DCC: variants seen among roughly 807,000 people sequenced by gnomAD.
The protein encoded by DCC is netrin receptor DCC.
In DCC, 58 loss-of-function variants were observed where a neutral mutation model predicts 172.5. The ratio of observed to expected loss-of-function variants is 0.34; its 90% CI spans 0.27 to 0.42. The LOEUF (loss-of-function observed/expected upper bound fraction) is 0.42. Ranked by LOEUF, DCC falls within the 10% of genes least tolerant of loss-of-function variation. DCC has a pLI of 1.00. For synonymous variants in DCC, 709 were observed against 644.5 expected (o/e 1.10, Z -1.52); for missense variants, 1,740 against 1,791.0 (o/e 0.97, Z 0.51).
At chr18:52,385,457 A>C in intron 1 of DCC, among the ~76,000 whole-genome samples, 1 of 151,988 alleles carries the variant, frequency 6.6e-6, no homozygotes, top group African/African-American at 2.4e-5. Flanking sequence ...TGTATGCCTC[A>C]GCCTCCCAAA....
At chr18:53,253,034 C>G (rs1276379714) in intron 12 of DCC, among the ~76,000 whole-genome samples, 1 of 151,704 alleles carries the variant, frequency 6.6e-6, no homozygotes, top group African/African-American at 2.4e-5. Flanking sequence ...TATTCATGTA[C>G]CATTTTCGTA....
chr18:52,460,044 A>G (rs1415481549), intron 1 of DCC, among the ~76,000 whole-genome samples: 1 of 152,110 alleles, frequency 6.6e-6, no homozygotes, highest in Non-Finnish European at 1.5e-5. Context: ...TCTTTATGGT[A>G]GAGCATAGAT....
chr18:53,393,816 G>T (rs1445195288), intron 17 of DCC, among the ~76,000 whole-genome samples: 6 of 151,988 alleles, frequency 3.9e-5, no homozygotes, highest in African/African-American at 1.5e-4. Flanking sequence ...CCTGTGAGGT[G>T]AGACTCAGCC....
intron 5 of DCC, among the ~76,000 whole-genome samples, chr18:53,001,683 T>C (rs969306962): frequency 4.6e-5 from 7 of 152,162 alleles, no homozygotes; most frequent in African/African-American, 1.7e-4. Flanking sequence ...TTGTTTTCTT[T>C]ATTGCCTTTC....
chr18:53,521,792 TTAAAA>T (rs979671854), intron 27 of DCC, among the ~76,000 whole-genome samples: 2 of 152,054 alleles, frequency 1.3e-5, no homozygotes, highest in African/African-American at 2.4e-5. Context: ...AATGAAAAAT[TTAAAA>T]TAAAATAAAT....
intron 1 of DCC, among the ~76,000 whole-genome samples, chr18:52,366,640 C>CT (rs1417404701): frequency 6.6e-6 from 1 of 151,570 alleles, no homozygotes; most frequent in Non-Finnish European, 1.5e-5. Flanking sequence ...ACACAGGGTG[C>CT]TGATTGGTGT....
At chr18:52,648,435 A>G (rs1397872101) in intron 1 of DCC, among the ~76,000 whole-genome samples, 1 of 152,220 alleles carries the variant, frequency 6.6e-6, no homozygotes, top group African/African-American at 2.4e-5. Flanking sequence ...TTTGGTTAGT[A>G]TAGATGATTT....
chr18:53,098,407 C>A (rs899373591), intron 7 of DCC, among the ~76,000 whole-genome samples: 4 of 152,120 alleles, frequency 2.6e-5, no homozygotes, highest in Non-Finnish European at 4.4e-5. Context: ...TTTCTAGTTT[C>A]TTTCAATCTG....
chr18:52,838,244 T>C (rs1171286382), intron 2 of DCC, among the ~76,000 whole-genome samples: 2 of 152,202 alleles, frequency 1.3e-5, no homozygotes, highest in Non-Finnish European at 2.9e-5. Flanking sequence ...GAGGGGGTAT[T>C]ATACTTTTAT....
At position 53,339,845 on chromosome 18, in the gene DCC, G is replaced by A. The variant is rs1258508110; in HGVS notation, c.2297G>A (p.Ser766Asn). Residue 766 changes from serine (S) to asparagine (N), a missense_variant, in exon 15 of 29, where the codon AGC becomes AAC. Physicochemically the swap from Ser to Asn is conservative, Grantham distance 46. Transcript: ENST00000442544. ...TATATTATCGGTTATGGCGTTGGGA[G>A]CCCTTACGCTGAGACAGTGCGTGTG... ...RGYIIGYGVG[S>N]PYAETVRVDS... 1.9e-6 allele frequency: 3 copies of A among 1,613,812 alleles called. No individual in the cohort carries two copies. Among genetic ancestry groups the A allele is most frequent in the South Asian group, 1.1e-5 (1 of 91,072 alleles).
At chr18:53,177,778 AG>A (rs2055130704) in intron 8 of DCC, among the ~76,000 whole-genome samples, 1 of 152,174 alleles carries the variant, frequency 6.6e-6, no homozygotes, top group Non-Finnish European at 1.5e-5. Flanking sequence ...ACTAGACTTC[AG>A]GGAAGCCGGA....
chr18:52,604,762 T>A (rs113941389), intron 1 of DCC, among the ~76,000 whole-genome samples: 1 of 152,114 alleles, frequency 6.6e-6, no homozygotes, highest in African/African-American at 2.4e-5. Context: ...TGGACAGGGG[T>A]CATCCATCTC....
At chr18:52,901,184 G>A (rs2039804068) in intron 2 of DCC, among the ~76,000 whole-genome samples, 1 of 152,142 alleles carries the variant, frequency 6.6e-6, no homozygotes. Context: ...TGTGATCCTA[G>A]CACTTCAGGA....
chr18:53,358,974 G>C (rs1482721849), intron 15 of DCC, among the ~76,000 whole-genome samples: 1 of 152,198 alleles, frequency 6.6e-6, no homozygotes, highest in African/African-American at 2.4e-5. Flanking sequence ...GAGGTTGTTA[G>C]AAGATTTTTC....
intron 8 of DCC, among the ~76,000 whole-genome samples, chr18:53,158,481 A>G (rs1244392501): frequency 1.3e-5 from 2 of 152,178 alleles, no homozygotes; most frequent in Non-Finnish European, 2.9e-5. Context: ...TGAGTGCTGT[A>G]AACATGTGAT....
At chr18:53,035,305 G>A (rs1028366331) in intron 5 of DCC, among the ~76,000 whole-genome samples, 2 of 151,964 alleles carry the variant, frequency 1.3e-5, no homozygotes, top group Non-Finnish European at 2.9e-5. Flanking sequence ...TCTCACTAAA[G>A]TACAATATGT....
chr18:52,499,420 C>T (rs544483856), intron 1 of DCC, among the ~76,000 whole-genome samples: 1 of 152,246 alleles, frequency 6.6e-6, no homozygotes, highest in South Asian at 2.1e-4. Context: ...TTTTGAAGAG[C>T]CAGTCCTCTG....
intron 1 of DCC, among the ~76,000 whole-genome samples, chr18:52,653,783 T>C (rs552398187): frequency 2.0e-5 from 3 of 152,340 alleles, no homozygotes; most frequent in African/African-American, 7.2e-5. Flanking sequence ...GGGTGCTGAT[T>C]ATTAATTTAT....
chr18:52,715,820 C>G (rs1178146820), intron 1 of DCC, among the ~76,000 whole-genome samples: 1 of 151,934 alleles, frequency 6.6e-6, no homozygotes, highest in Admixed American at 6.6e-5. Flanking sequence ...CATACTGATT[C>G]CTTCTTGAAG....
Sources: gnomAD v4.1 joint callset for allele counts (sites outside exome capture counted in the v4.1 genomes callset) on GRCh38, gnomAD v4.1.1 for gene constraint, MANE v1.5 for transcripts, NCBI Gene and HGNC (gene_info 2026-07-23, HGNC 2026-07-21) for gene names.